The following BNC2 variants were observed in gnomAD, a reference collection of about 807,000 sequenced individuals.
BNC2 encodes the protein zinc finger protein basonuclin-2.
A neutral mutation model predicts 76.3 loss-of-function variants in BNC2; 20 were observed. The ratio of observed to expected loss-of-function variants is 0.26; its 90% CI spans 0.18 to 0.38. BNC2 has a LOEUF of 0.38. Among genes scored for constraint, BNC2 ranks in the 10% least tolerant of loss-of-function variants. The probability of loss-of-function intolerance (pLI) is 1.00; values close to 1 mark genes in which losing one functional copy is unlikely to be tolerated. For missense variants in BNC2, 1,382 were observed against 1,399.8 expected (o/e 0.99, Z 0.20); for synonymous variants, 582 against 514.8 (o/e 1.13, Z -1.77).
At chr9:16,721,447 T>C (rs190676499) in intron 3 of BNC2, among the ~76,000 whole-genome samples, 2 of 152,212 alleles carry the variant, frequency 1.3e-5, no homozygotes, top group Admixed American at 6.5e-5. Flanking sequence ...GCCAGCTGCT[T>C]TTCTGGAAAT....
intron 1 of BNC2, among the ~76,000 whole-genome samples, chr9:16,798,266 C>G (rs900233518): frequency 1.3e-5 from 2 of 152,200 alleles, no homozygotes; most frequent in African/African-American, 4.8e-5. Context: ...TGATGTCCCA[C>G]CTTCCAAGTA....
At chr9:16,430,633 C>T (rs925195869) in intron 6 of BNC2, among the ~76,000 whole-genome samples, 2 of 152,160 alleles carry the variant, frequency 1.3e-5, no homozygotes, top group Non-Finnish European at 2.9e-5. Flanking sequence ...TCAGAGGTAG[C>T]TCATGTTAAT....
intron 3 of BNC2, among the ~76,000 whole-genome samples, chr9:16,653,602 C>A (rs1372436437): frequency 6.6e-6 from 1 of 152,036 alleles, no homozygotes; most frequent in Non-Finnish European, 1.5e-5. Flanking sequence ...CAGAAGGAGC[C>A]GTTTCAGCAG....
chr9:16,538,267 T>C (rs1587144004), intron 5 of BNC2, among the ~76,000 whole-genome samples: 1 of 152,186 alleles, frequency 6.6e-6, no homozygotes, highest in East Asian at 1.9e-4. Flanking sequence ...ATATATTACT[T>C]ATCAGTCAAG....
intron 3 of BNC2, among the ~76,000 whole-genome samples, chr9:16,603,907 A>C: frequency 6.6e-6 from 1 of 152,194 alleles, no homozygotes; most frequent in South Asian, 2.1e-4. Context: ...ATTCTGTCAC[A>C]GTACTGCTTA....
At chr9:16,701,903 T>C (rs889121648) in intron 3 of BNC2, among the ~76,000 whole-genome samples, 27 of 143,656 alleles carry the variant, frequency 1.9e-4, no homozygotes, top group African/African-American at 1.8e-4. Flanking sequence ...GATCATGCCA[T>C]TGCACTCCAG....
At chr9:16,620,028 A>G (rs563204838) in intron 3 of BNC2, among the ~76,000 whole-genome samples, 1 of 152,196 alleles carries the variant, frequency 6.6e-6, no homozygotes, top group Non-Finnish European at 1.5e-5. Context: ...CTTCCCGTGA[A>G]GATCAGGCTC....
intron 1 of BNC2, among the ~76,000 whole-genome samples, chr9:16,813,681 T>A (rs1380753036): frequency 1.3e-5 from 2 of 152,208 alleles, no homozygotes; most frequent in Non-Finnish European, 2.9e-5. Flanking sequence ...ATTACAATGA[T>A]TCATTATAAA....
intron 3 of BNC2, among the ~76,000 whole-genome samples, chr9:16,597,740 C>A (rs993343599): frequency 6.6e-6 from 1 of 151,978 alleles, no homozygotes; most frequent in Non-Finnish European, 1.5e-5. Context: ...TGTCATTTCC[C>A]CCATAATCTT....
At chr9:16,679,968 G>A (rs1822773819) in intron 3 of BNC2, among the ~76,000 whole-genome samples, 1 of 152,294 alleles carries the variant, frequency 6.6e-6, no homozygotes, top group South Asian at 2.1e-4. Flanking sequence ...ACAGGGATCT[G>A]TTTGGTTCTT....
At chr9:16,616,402 A>G (rs778774626) in intron 3 of BNC2, among the ~76,000 whole-genome samples, 15 of 151,026 alleles carry the variant, frequency 9.9e-5, no homozygotes, top group South Asian at 2.1e-4. Flanking sequence ...GCAAAATAAA[A>G]TAAAATAAAA....
chr9:16,613,575 C>T (rs1046466726), intron 3 of BNC2, among the ~76,000 whole-genome samples: 2 of 152,118 alleles, frequency 1.3e-5, no homozygotes, highest in African/African-American at 2.4e-5. Flanking sequence ...TCAGCTACTA[C>T]CTTCATTTTT....
intron 5 of BNC2, among the ~76,000 whole-genome samples, chr9:16,521,481 G>C (rs1817617952): frequency 6.6e-6 from 1 of 152,106 alleles, no homozygotes; most frequent in South Asian, 2.1e-4. Context: ...GCCATAAATA[G>C]GTAAAACGTG....
intron 1 of BNC2, among the ~76,000 whole-genome samples, chr9:16,813,249 A>G (rs933307733): frequency 4.0e-5 from 6 of 151,804 alleles, no homozygotes; most frequent in African/African-American, 1.5e-4. Flanking sequence ...ACCATAACGG[A>G]AGCAAGCAGA....
intron 1 of BNC2, among the ~76,000 whole-genome samples, chr9:16,754,835 G>T (rs1237740395): frequency 1.3e-5 from 2 of 152,200 alleles, no homozygotes; most frequent in Non-Finnish European, 2.9e-5. Flanking sequence ...TGGGATTAGA[G>T]GTGTGAGCCA....
chr9:16,834,661 T>C (rs955339152), intron 1 of BNC2, among the ~76,000 whole-genome samples: 1 of 152,346 alleles, frequency 6.6e-6, no homozygotes. Flanking sequence ...TATCTAATAA[T>C]ACCGGTCTCC....
intron 3 of BNC2, among the ~76,000 whole-genome samples, chr9:16,589,377 G>T (rs1242552783): frequency 1.3e-5 from 2 of 151,776 alleles, no homozygotes; most frequent in Non-Finnish European, 2.9e-5. Flanking sequence ...GTAGAGACAG[G>T]GTCTCACCAT....
At chr9:16,664,707 AAAAAACAAAAAAAAAC>A (rs751502866) in intron 3 of BNC2, among the ~76,000 whole-genome samples, 76 of 151,688 alleles carry the variant, frequency 5.0e-4, no homozygotes, top group Admixed American at 2.0e-3. Flanking sequence ...ACAAAAACAA[AAAAAACAAAAAAAAAC>A]AAAAACAAAA....
chr9:16,465,485 C>T (rs1821686159), intron 5 of BNC2, among the ~76,000 whole-genome samples: 1 of 146,134 alleles, frequency 6.8e-6, no homozygotes, highest in Admixed American at 6.8e-5. Flanking sequence ...GGCAACAAGG[C>T]AACAATCAAT....
Sources: allele counts gnomAD v4.1 joint callset (sites outside exome capture counted in the v4.1 genomes callset), GRCh38; gene constraint gnomAD v4.1.1; transcripts MANE v1.5; gene names NCBI Gene and HGNC (gene_info 2026-07-23, HGNC 2026-07-21).